The following PCOLCE2 variants were observed in gnomAD, a reference collection of about 807,000 sequenced individuals.
PCOLCE2 encodes procollagen C-proteinase enhancer 2.
A neutral mutation model predicts 47.0 loss-of-function variants in PCOLCE2; 42 were observed. That is an observed-to-expected ratio of 0.89 (90% confidence interval 0.70 to 1.16). The LOEUF (loss-of-function observed/expected upper bound fraction) is 1.16, where lower values mean the gene tolerates loss of function less well. Ranked by LOEUF, PCOLCE2 falls within the 50% of genes most tolerant of loss-of-function variation. The probability of loss-of-function intolerance (pLI) is 0.00; values close to 1 mark genes in which losing one functional copy is unlikely to be tolerated. For missense variants in PCOLCE2, 500 were observed against 526.1 expected (o/e 0.95, Z 0.49); for synonymous variants, 169 against 191.7 (o/e 0.88, Z 0.98).
chr3:142,860,300 CCT>C, intron 2 of PCOLCE2, among the ~76,000 whole-genome samples: 1 of 152,286 alleles, frequency 6.6e-6, no homozygotes, highest in East Asian at 1.9e-4. Flanking sequence ...TCCCCCTATT[CCT>C]CTGTCAAAAA....
chr3:142,818,914 C>T (rs1402453869), intron 8 of PCOLCE2, among the ~76,000 whole-genome samples: 1 of 152,186 alleles, frequency 6.6e-6, no homozygotes, highest in East Asian at 1.9e-4. Context: ...GAAGAATGCA[C>T]CGCGTTAACG....
chr3:142,821,688 T>A (rs912276065), intron 7 of PCOLCE2, among the ~76,000 whole-genome samples: 5 of 141,134 alleles, frequency 3.5e-5, no homozygotes, highest in Admixed American at 1.4e-4. Flanking sequence ...AGGTATTAAC[T>A]TAAACTTTTT....
intron 2 of PCOLCE2, among the ~76,000 whole-genome samples, chr3:142,871,245 C>G (rs1933381935): frequency 6.6e-6 from 1 of 152,238 alleles, no homozygotes; most frequent in Non-Finnish European, 1.5e-5. Context: ...GGTTCCCATG[C>G]TGGCCCAAGC....
intron 5 of PCOLCE2, among the ~76,000 whole-genome samples, chr3:142,832,663 C>G (rs1027199841): frequency 2.6e-5 from 4 of 152,150 alleles, no homozygotes; most frequent in Non-Finnish European, 5.9e-5. Flanking sequence ...CTGTTCCCTC[C>G]CAGTACTTTT....
intron 7 of PCOLCE2, among the ~76,000 whole-genome samples, chr3:142,821,448 G>C (rs1298883061): frequency 6.6e-6 from 1 of 152,122 alleles, no homozygotes; most frequent in Non-Finnish European, 1.5e-5. Context: ...TGCGCGATGG[G>C]GGTTTGGGCC....
At chr3:142,853,862 C>T (rs1276409017) in intron 2 of PCOLCE2, among the ~76,000 whole-genome samples, 3 of 152,270 alleles carry the variant, frequency 2.0e-5, no homozygotes, top group East Asian at 1.9e-4. Context: ...AACAATTCGA[C>T]GTTTGTGTTT....
At position 142,829,792 on chromosome 3, in the gene PCOLCE2, A is replaced by C; in HGVS notation, c.765T>G (p.Ser255Arg). Residue 255 changes from serine to arginine, a missense_variant, in exon 6 of 9, where the codon AGT (serine) becomes AGG (arginine). Coordinates refer to ENST00000295992, the MANE Select transcript of PCOLCE2 (RefSeq NM_013363.4). ...ELLIQFLSDL[S>R]LTADGFIGHY... ...GACCAATAAACCCATCTGCAGTTAA[A>C]CTTAAGTCTGATAAAAACTGAATAA... 6 of 1,606,386 alleles carry C rather than the reference A, an allele frequency of 3.7e-6. No homozygotes were observed. The highest frequency in any genetic ancestry group is 5.1e-6 in the Non-Finnish European group (6 of 1,174,832).
intron 2 of PCOLCE2, among the ~76,000 whole-genome samples, chr3:142,866,205 C>G (rs546826226): frequency 2.0e-5 from 3 of 152,152 alleles, no homozygotes; most frequent in Admixed American, 6.5e-5. Flanking sequence ...TGTGGGTGCA[C>G]GTCCTCCAAT....
intron 2 of PCOLCE2, among the ~76,000 whole-genome samples, chr3:142,868,874 A>T (rs954447920): frequency 6.6e-6 from 1 of 152,160 alleles, no homozygotes; most frequent in Non-Finnish European, 1.5e-5. Context: ...TTAAATGAAA[A>T]TTTTATATTC....
chr3:142,822,268 C>T (rs1937024189), intron 7 of PCOLCE2, among the ~76,000 whole-genome samples: 1 of 151,976 alleles, frequency 6.6e-6, no homozygotes, highest in East Asian at 1.9e-4. Flanking sequence ...GTAGCAGTTC[C>T]TAGTTATTGT....
At chr3:142,845,181 T>C (rs557526163) in intron 3 of PCOLCE2, among the ~76,000 whole-genome samples, 1 of 152,344 alleles carries the variant, frequency 6.6e-6, no homozygotes, top group South Asian at 2.1e-4. Context: ...ATTTTAATCT[T>C]TTGGCTTTTA....
chr3:142,820,851 G>C, intron 8 of PCOLCE2, 27 bp downstream of exon 8: 1 of 1,584,978 alleles, frequency 6.3e-7, no homozygotes, highest in Non-Finnish European at 8.6e-7. Flanking sequence ...GGCTTGCTCA[G>C]AGACACCCAG....
In PCOLCE2 at chr3:142,848,487, G is replaced by A. The variant is rs765346956; in HGVS notation, c.193-15C>T. 1.3e-5 allele frequency: 20 copies of A among 1,583,794 alleles called. No homozygotes were observed. The highest frequency in any genetic ancestry group is 1.2e-4 in the Admixed American group (7 of 56,926). On this transcript the variant is annotated splice_polypyrimidine_tract_variant and intron_variant, in intron 2 of 8. Coordinates refer to ENST00000295992, the MANE Select transcript of PCOLCE2 (RefSeq NM_013363.4). ...CCTTCGGGAACCTGCCAAGAAAAGC[G>A]CCAATTAGAAAACTGTCATGAAAAC...
intron 2 of PCOLCE2, among the ~76,000 whole-genome samples, chr3:142,877,689 C>G (rs1049669181): frequency 6.6e-6 from 1 of 152,152 alleles, no homozygotes; most frequent in Non-Finnish European, 1.5e-5. Context: ...GGGATTTGAA[C>G]TATGTCAGTC....
chr3:142,839,817 GAGAAAA>G (rs766505150), intron 4 of PCOLCE2, among the ~76,000 whole-genome samples: 43 of 152,128 alleles, frequency 2.8e-4, no homozygotes, highest in Non-Finnish European at 5.6e-4. Flanking sequence ...TAAAGCTGCA[GAGAAAA>G]AGAAAAAGAA....
At chr3:142,826,119 C>T (rs1214440786) in intron 6 of PCOLCE2, among the ~76,000 whole-genome samples, 1 of 152,100 alleles carries the variant, frequency 6.6e-6, no homozygotes, top group Admixed American at 6.5e-5. Flanking sequence ...ATTCTCCTGC[C>T]TCAGCCTCCC....
intron 7 of PCOLCE2, among the ~76,000 whole-genome samples, chr3:142,821,339 G>T (rs1457279700): frequency 6.6e-6 from 1 of 151,974 alleles, no homozygotes; most frequent in Admixed American, 6.6e-5. Flanking sequence ...CCAACTTGTG[G>T]CTTGATTGTC....
At chr3:142,886,103 C>A (rs1198905371) in intron 2 of PCOLCE2, among the ~76,000 whole-genome samples, 2 of 152,230 alleles carry the variant, frequency 1.3e-5, no homozygotes, top group African/African-American at 4.8e-5. Flanking sequence ...AGCTCACAGG[C>A]TTTCCCTTCA....
rs6792083 is a variant in PCOLCE2 at position 142,879,691 on chromosome 3, C to T, written c.192+7978G>A. On this transcript the variant is annotated intron_variant, in intron 2 of 8. Coordinates refer to ENST00000295992, the MANE Select transcript of PCOLCE2 (RefSeq NM_013363.4). The stretch of plus-strand genomic sequence containing the variant: ...GCCATAAGAATTGTAAAGTTTTGGC[C>T]GGGCACGGTGGCTCACGCCTATAAT... Among the ~76,000 whole-genome samples the T allele has an allele frequency of 6.1e-3, 928 of 152,208 alleles. 10 individuals are homozygous for T. The highest frequency in any genetic ancestry group is 0.021 in the African/African-American group (862 of 41,518).
Sources: gnomAD v4.1 joint callset for allele counts (sites outside exome capture counted in the v4.1 genomes callset) on GRCh38, gnomAD v4.1.1 for gene constraint, MANE v1.5 for transcripts, NCBI Gene and HGNC (gene_info 2026-07-23, HGNC 2026-07-21) for gene names.